TG: variants seen among roughly 807,000 people sequenced by gnomAD.
TG encodes the protein thyroid hormones.
In TG, 270 loss-of-function variants were observed where a neutral mutation model predicts 324.7. The observed-to-expected ratio is 0.83, with a 90% CI of 0.75 to 0.92. The LOEUF is 0.92. Among genes scored for constraint, TG ranks in the 40% least tolerant of loss-of-function variants. The pLI is 0.00. For missense variants in TG, 3,591 were observed against 3,456.4 expected, an observed-to-expected ratio of 1.04 and a Z score of -0.98; for synonymous variants, 1,401 against 1,327.0, an observed-to-expected ratio of 1.06 and a Z score of -1.21.
At position 132,908,321 on chromosome 8, in the gene TG, G is replaced by A. The variant is rs141146573; in HGVS notation, c.3983G>A (p.Arg1328His). Residue 1328 changes from arginine to histidine, a missense_variant, in exon 18 of 48, where the codon CGC (arginine) becomes CAC (histidine). Arg to His is a conservative substitution (Grantham distance 29). Coordinates refer to ENST00000220616, the MANE Select transcript of TG (RefSeq NM_003235.5). ...TTCATATTGGATGAGCTGACAGCCC[G>A]CGGCTTCTGCCAGATCCAGGTACAT... is the stretch of plus-strand genomic sequence containing the variant. ...QVFILDELTARGFCQIQVKTF... is the reference protein window; with the variant it reads ...QVFILDELTAHGFCQIQVKTF... The A allele has an allele frequency of 1.7e-4, 277 of 1,612,052 alleles. 1 individual carries two copies. In the African/African-American group the frequency reaches 3.0e-3, roughly 17 times the overall value.
intron 29 of TG, among the ~76,000 whole-genome samples, chr8:132,964,000 A>G (rs1023386518): frequency 6.6e-6 from 1 of 152,026 alleles, no homozygotes; most frequent in African/African-American, 2.4e-5. Flanking sequence ...ACCACTTGGC[A>G]CAGTGCCTGG....
rs1408461967 is a variant in TG at position 132,997,216 on chromosome 8, G to A, written c.6262+13804G>A. 3.3e-5 allele frequency among the ~76,000 whole-genome samples: 5 copies of A among 152,318 alleles called. No homozygotes were observed. In the East Asian group the frequency reaches 7.7e-4, roughly 24 times the overall value. On this transcript the variant is annotated intron_variant, in intron 35 of 47. Coordinates refer to ENST00000220616, the MANE Select transcript of TG (RefSeq NM_003235.5). The stretch of plus-strand genomic sequence containing the variant: ...TTTGAGTTGGGCAGCCCCATGGCTG[G>A]TGGTGCCAATTCCAAGATAAAGAAT...
chr8:132,871,443 G>A lies in TG; in HGVS notation c.370G>A (p.Gly124Arg). 1 of 1,614,216 alleles carries A rather than the reference G, an allele frequency of 6.2e-7. No homozygotes were observed. Among genetic ancestry groups the A allele is most frequent in the Non-Finnish European group, 8.5e-7 (1 of 1,180,030 alleles). Residue 124 changes from glycine to arginine, a missense_variant, in exon 4 of 48, where the codon GGG becomes AGG. Coordinates refer to ENST00000220616, the MANE Select transcript of TG (RefSeq NM_003235.5). ...CTACCTCCCTCAGTGTCAGGATTCA[G>A]GGGACTACGCGCCTGTTCAGTGTGA... ...TSYLPQCQDS[G>R]DYAPVQCDVQ...
chr8:132,906,951 G>A, intron 17 of TG, 51 bp downstream of exon 17: 1 of 1,553,380 alleles, frequency 6.4e-7, no homozygotes, highest in Non-Finnish European at 8.7e-7. Flanking sequence ...CTCAGGGCTA[G>A]GGCTGGGACC....
chr8:133,092,556 A>G (rs922856470), intron 41 of TG, among the ~76,000 whole-genome samples: 2 of 152,146 alleles, frequency 1.3e-5, no homozygotes, highest in African/African-American at 4.8e-5. Flanking sequence ...CACTGTGCAG[A>G]GGACACGCTT....
At chr8:132,925,516 C>CGT (rs139966752) in intron 22 of TG, among the ~76,000 whole-genome samples, 22,241 of 144,704 alleles carry the variant, frequency 0.15, 2,236 homozygotes, top group East Asian at 0.33. Context: ...CTAAGGAGTG[C>CGT]GTGTGTGTGT....
chr8:132,900,283 G>A lies in TG; in HGVS notation c.3377G>A (p.Cys1126Tyr), dbSNP rs769291145. Residue 1126 changes from cysteine (C) to tyrosine (Y), a missense_variant, in exon 15 of 48, where the codon TGT becomes TAT. Cys to Tyr is a radical substitution (Grantham distance 194). Coordinates refer to ENST00000220616, the MANE Select transcript of TG (RefSeq NM_003235.5). The part of the protein sequence containing the change: ...RLQASGAGTW[C>Y]VDPASGEELR... ...CAGGCATCGGGGGCTGGCACCTGGT[G>A]TGTGGACCCTGCATCAGGAGAAGAG... is the stretch of plus-strand genomic sequence containing the variant. 2 of 1,613,984 alleles carry A rather than the reference G, an allele frequency of 1.2e-6. No individual in the cohort carries two copies. The highest frequency in any genetic ancestry group is 1.7e-6 in the Non-Finnish European group (2 of 1,180,026).
chr8:132,942,889 G>A (rs1466691241), intron 26 of TG, among the ~76,000 whole-genome samples: 3 of 152,156 alleles, frequency 2.0e-5, no homozygotes, highest in African/African-American at 4.8e-5. Flanking sequence ...TTCAGAGTGG[G>A]TGTCCTTGTG....
At chr8:133,133,709 A>G (rs1186207425) in intron 47 of TG, 49 bp downstream of exon 47, 1 of 1,585,496 alleles carries the variant, frequency 6.3e-7, no homozygotes, top group African/African-American at 1.4e-5. Context: ...TGATCTCAGC[A>G]TCTGCTGTGC....
In TG at chr8:132,882,865, C is replaced by G. The variant is rs1814849845; in HGVS notation, c.941C>G (p.Pro314Arg). ...TTTACAGCAACCAGCTTTGGTCACC[C>G]CTATGTTCCAAGCTGCCGCCGAAAT... The part of the protein sequence containing the change: ...ERFTATSFGH[P>R]YVPSCRRNGD... The change falls in exon 8 of 48, where the codon CCC becomes CGC. Residue 314 changes from proline (P) to arginine (R), a missense_variant. Pro to Arg is a moderately radical substitution (Grantham distance 103). Coordinates refer to ENST00000220616, the MANE Select transcript of TG (RefSeq NM_003235.5). 4 of 1,614,214 alleles carry G rather than the reference C, an allele frequency of 2.5e-6. No individual in the cohort carries two copies. In the East Asian group the frequency reaches 8.9e-5, roughly 36 times the overall value.
At position 133,033,010 on chromosome 8, in the gene TG, G is replaced by A. The variant is rs147253151; in HGVS notation, c.7239+2987G>A. The stretch of plus-strand genomic sequence containing the variant: ...GGACTAGAACCTAAAGCCAAGTCCT[G>A]TATTTCCCCACTCTGTGATGCTGCC... On this transcript the variant is annotated intron_variant, in intron 41 of 47. Coordinates refer to ENST00000220616, the MANE Select transcript of TG (RefSeq NM_003235.5). Among the ~76,000 whole-genome samples, 97 of 152,310 alleles carry A rather than the reference G, an allele frequency of 6.4e-4. 1 individual carries two copies. The highest frequency in any genetic ancestry group is 2.3e-3 in the African/African-American group (96 of 41,578).
intron 41 of TG, chr8:133,090,027 C>T (rs946705831): frequency 6.6e-6 from 1 of 152,202 alleles, no homozygotes; most frequent in Non-Finnish European, 1.5e-5. Context: ...GTCACCAGTA[C>T]ATATGTCCTG....
intron 22 of TG, 46 bp downstream of exon 22, chr8:132,923,554 A>G (rs187173566): frequency 1.3e-6 from 2 of 1,589,594 alleles, no homozygotes; most frequent in African/African-American, 2.7e-5. Context: ...GGGACTGGGG[A>G]GTAGTCTCAA....
chr8:133,024,540 C>T (rs1423723628), intron 40 of TG, among the ~76,000 whole-genome samples: 1 of 151,822 alleles, frequency 6.6e-6, no homozygotes, highest in East Asian at 1.9e-4. Flanking sequence ...GGTATTTGTC[C>T]TAATGCTCTC....
At chr8:132,955,053 G>A (rs2177297) in intron 27 of TG, among the ~76,000 whole-genome samples, 21,591 of 152,058 alleles carry the variant, frequency 0.14, 2,115 homozygotes, top group East Asian at 0.43. Context: ...CTGCTGGGAA[G>A]GACCCTGGGA....
chr8:132,924,087 G>A (rs1040317648), intron 22 of TG, among the ~76,000 whole-genome samples: 7 of 152,006 alleles, frequency 4.6e-5, no homozygotes, highest in Admixed American at 2.0e-4. Flanking sequence ...CGTAGAATCA[G>A]TGGGAGCCCT....
chr8:133,038,703 G>A, intron 41 of TG: 1 of 1,614,120 alleles, frequency 6.2e-7, no homozygotes. Flanking sequence ...TCTACCCCAA[G>A]CGGGTTCTCT....
intron 41 of TG, among the ~76,000 whole-genome samples, chr8:133,055,918 C>T (rs10107766): frequency 0.26 from 39,929 of 151,698 alleles, 5,384 homozygotes; most frequent in Non-Finnish European, 0.27. Context: ...GTGGTGGTAC[C>T]GAGGTTACCC....
chr8:132,876,765 T>TC (rs1430683277), intron 5 of TG, among the ~76,000 whole-genome samples: 1 of 152,244 alleles, frequency 6.6e-6, no homozygotes, highest in African/African-American at 2.4e-5. Flanking sequence ...GGACACACAT[T>TC]CTGACCAAGC....
Sources: gnomAD v4.1 joint callset for allele counts (sites outside exome capture counted in the v4.1 genomes callset) on GRCh38, gnomAD v4.1.1 for gene constraint, MANE v1.5 for transcripts, NCBI Gene and HGNC (gene_info 2026-07-23, HGNC 2026-07-21) for gene names.